KIFAP3: variants seen among roughly 807,000 people sequenced by gnomAD.
KIFAP3 encodes kinesin-associated protein 3.
In KIFAP3, 68 loss-of-function variants were observed where a neutral mutation model predicts 106.5. That is an observed-to-expected ratio of 0.64 (90% CI 0.53 to 0.78). The LOEUF is 0.78. Among genes scored for constraint, KIFAP3 ranks in the 30% least tolerant of loss-of-function variants. KIFAP3 has a pLI of 0.00. For missense variants in KIFAP3, 780 were observed against 941.8 expected, an observed-to-expected ratio of 0.83 and a Z score of 2.25; for synonymous variants, 320 against 311.5, an observed-to-expected ratio of 1.03 and a Z score of -0.29.
chr1:170,040,717 C>A (rs1450330115), intron 3 of KIFAP3, among the ~76,000 whole-genome samples: 3 of 152,122 alleles, frequency 2.0e-5, no homozygotes, highest in Non-Finnish European at 4.4e-5. Context: ...ATTCTACCAA[C>A]AAAATATTTG....
intron 10 of KIFAP3, among the ~76,000 whole-genome samples, chr1:170,003,910 A>G (rs2101967535): frequency 6.6e-6 from 1 of 152,288 alleles, no homozygotes; most frequent in East Asian, 1.9e-4. Flanking sequence ...GGAAAAGAGG[A>G]AGTCAAATTG....
intron 1 of KIFAP3, among the ~76,000 whole-genome samples, chr1:170,064,274 A>G (rs1671325796): frequency 6.6e-6 from 1 of 152,118 alleles, no homozygotes; most frequent in African/African-American, 2.4e-5. Context: ...ACTCCTGGTG[A>G]AATGTTGAGG....
At chr1:170,006,700 G>A (rs1461705696) in intron 10 of KIFAP3, among the ~76,000 whole-genome samples, 1 of 152,148 alleles carries the variant, frequency 6.6e-6, no homozygotes, top group Non-Finnish European at 1.5e-5. Flanking sequence ...GAGAAAGACA[G>A]TGAAAATAGT....
intron 10 of KIFAP3, among the ~76,000 whole-genome samples, chr1:170,009,360 A>G (rs984421561): frequency 1.3e-5 from 2 of 152,204 alleles, no homozygotes; most frequent in African/African-American, 4.8e-5. Context: ...AAGTGTGAAT[A>G]AACTCAAAAA....
chr1:169,953,154 T>C (rs1267608346), intron 19 of KIFAP3, among the ~76,000 whole-genome samples: 2 of 152,134 alleles, frequency 1.3e-5, no homozygotes, highest in Non-Finnish European at 2.9e-5. Context: ...TTGTTTATAC[T>C]TTCTGGCGAG....
intron 10 of KIFAP3, among the ~76,000 whole-genome samples, chr1:170,004,191 T>TTAA (rs1667817443): frequency 4.0e-5 from 6 of 150,202 alleles, no homozygotes; most frequent in Admixed American, 3.3e-4. Flanking sequence ...AAACCACTGC[T>TTAA]CAGTGAAATA....
chr1:170,020,952 A>G (rs1167344629), intron 9 of KIFAP3, among the ~76,000 whole-genome samples: 3 of 152,202 alleles, frequency 2.0e-5, no homozygotes, highest in South Asian at 2.1e-4. Context: ...TTTCTTAAAT[A>G]TGACACCCAA....
Position 170,038,186 on chromosome 1 carries a change from T to G in KIFAP3, c.517+104A>C, listed in dbSNP as rs114739918. The G allele has an allele frequency of 1.9e-3, 1,683 of 879,470 alleles. 24 individuals are homozygous for G. In the African/African-American group the frequency reaches 0.027, roughly 14 times the overall value. 54.5% of individuals were successfully genotyped at this position (879,470 alleles called of 1,614,324 possible). ...ACACTCTCAATTTAAGAAATCTGAG[T>G]AAGAAAGAAATAAAGAGCTGGAAAA... On this transcript the variant is annotated intron_variant, in intron 5 of 19. Transcript: ENST00000361580.
At chr1:170,015,603 G>A (rs1372667309) in intron 10 of KIFAP3, among the ~76,000 whole-genome samples, 1 of 152,142 alleles carries the variant, frequency 6.6e-6, no homozygotes, top group Non-Finnish European at 1.5e-5. Flanking sequence ...TTCTGGTTAA[G>A]AAAGGCAATG....
intron 19 of KIFAP3, among the ~76,000 whole-genome samples, chr1:169,927,388 A>G (rs1558168481): frequency 6.6e-6 from 1 of 152,200 alleles, no homozygotes. Flanking sequence ...TACAGAAGAA[A>G]AGAGGGGGGA....
intron 9 of KIFAP3, among the ~76,000 whole-genome samples, chr1:170,022,071 T>C (rs1668868820): frequency 6.9e-6 from 1 of 145,480 alleles, no homozygotes; most frequent in Non-Finnish European, 1.5e-5. Context: ...TGCCTCAGCC[T>C]CCCAAAAAGC....
intron 8 of KIFAP3, among the ~76,000 whole-genome samples, chr1:170,027,463 T>C (rs1403239452): frequency 3.3e-5 from 5 of 150,290 alleles, no homozygotes; most frequent in African/African-American, 4.8e-5. Context: ...GTCATATAAC[T>C]GTATTCCAGA....
intron 1 of KIFAP3, among the ~76,000 whole-genome samples, chr1:170,059,707 C>T (rs1428171038): frequency 6.6e-6 from 1 of 151,616 alleles, no homozygotes; most frequent in Admixed American, 6.6e-5. Context: ...GGCAGAGACA[C>T]AACAAAAAAA....
intron 1 of KIFAP3, among the ~76,000 whole-genome samples, chr1:170,062,392 A>T (rs1537019): frequency 0.12 from 15,922 of 134,992 alleles, 988 homozygotes; most frequent in Admixed American, 0.19. Context: ...TTCATTTTTT[A>T]AAAAAAACAG....
intron 8 of KIFAP3, among the ~76,000 whole-genome samples, chr1:170,027,559 T>C (rs1669178038): frequency 6.6e-6 from 1 of 152,136 alleles, no homozygotes; most frequent in Non-Finnish European, 1.5e-5. Context: ...CTTGAGACTA[T>C]AAACTAGATG....
intron 3 of KIFAP3, among the ~76,000 whole-genome samples, chr1:170,042,576 T>C (rs865884671): frequency 6.6e-6 from 1 of 152,238 alleles, no homozygotes; most frequent in Non-Finnish European, 1.5e-5. Context: ...AAATAATCTT[T>C]TCTTTGTCTT....
chr1:169,924,576 C>T (rs965474039), intron 19 of KIFAP3, among the ~76,000 whole-genome samples: 5 of 151,794 alleles, frequency 3.3e-5, no homozygotes, highest in South Asian at 4.2e-4. Context: ...TATCTACATA[C>T]ATTTTTAATT....
At chr1:169,994,836 A>C (rs1667294012) in intron 10 of KIFAP3, among the ~76,000 whole-genome samples, 1 of 152,074 alleles carries the variant, frequency 6.6e-6, no homozygotes. Flanking sequence ...GAAGAGCTTT[A>C]CTACAAAATT....
upstream of KIFAP3, among the ~76,000 whole-genome samples, chr1:170,078,133 A>G (rs1490973063): frequency 6.6e-6 from 1 of 152,194 alleles, no homozygotes; most frequent in African/African-American, 2.4e-5. Flanking sequence ...ACTGTTTTCC[A>G]AAATGAATGC....
Sources: gnomAD v4.1 joint callset for allele counts (sites outside exome capture counted in the v4.1 genomes callset) on GRCh38, gnomAD v4.1.1 for gene constraint, MANE v1.5 for transcripts, NCBI Gene and HGNC (gene_info 2026-07-23, HGNC 2026-07-21) for gene names.